Variants in PPP4R3B observed in about 807,000 individuals in gnomAD.
PPP4R3B encodes the protein serine/threonine-protein phosphatase 4 regulatory subunit 3B.
Under a neutral mutation model 95.4 loss-of-function variants are expected in PPP4R3B, and 52 were observed. The ratio of observed to expected loss-of-function variants is 0.54; its 90% CI spans 0.44 to 0.69. The LOEUF (loss-of-function observed/expected upper bound fraction) is 0.69. PPP4R3B is among the 30% of genes least tolerant of loss of function. PPP4R3B has a pLI of 0.00. For missense variants in PPP4R3B, 1,003 were observed against 1,005.9 expected, an observed-to-expected ratio of 1.00 and a Z score of 0.04; for synonymous variants, 407 against 343.9, an observed-to-expected ratio of 1.18 and a Z score of -2.03.
At chr2:55,566,438 G>C (rs1225471470) in intron 13 of PPP4R3B, among the ~76,000 whole-genome samples, 2 of 152,108 alleles carry the variant, frequency 1.3e-5, no homozygotes, top group African/African-American at 2.4e-5. Flanking sequence ...TTTTAAAGGA[G>C]AATAATATAA....
At chr2:55,602,307 T>C (rs1256651365) in intron 3 of PPP4R3B, among the ~76,000 whole-genome samples, 2 of 152,230 alleles carry the variant, frequency 1.3e-5, no homozygotes, top group Non-Finnish European at 2.9e-5. Flanking sequence ...ATGATCATTT[T>C]GGTGTAAGAG....
In PPP4R3B at chr2:55,596,988, C is replaced by G. The variant is rs188942575; in HGVS notation, c.921+1428G>C. Among the ~76,000 whole-genome samples the G allele has an allele frequency of 1.3e-4, 20 of 152,014 alleles. No individual in the cohort carries two copies. In the South Asian group the frequency reaches 3.5e-3, roughly 27 times the overall value. On this transcript the variant is annotated intron_variant, in intron 4 of 16. Coordinates refer to ENST00000616407, the MANE Select transcript of PPP4R3B (RefSeq NM_001122964.3). The stretch of plus-strand genomic sequence containing the variant: ...TCAAAATAATAATAATAAAAAATAG[C>G]TGCATCATCGATATATATAATAGGC...
chr2:55,602,172 A>G (rs1272388078), intron 3 of PPP4R3B, among the ~76,000 whole-genome samples: 3 of 152,212 alleles, frequency 2.0e-5, no homozygotes, highest in Admixed American at 1.3e-4. Context: ...TTATAGGAAA[A>G]GTTAGTTGTT....
At chr2:55,564,561 G>C in intron 14 of PPP4R3B, 64 bp from the exon 15 acceptor site, 1 of 1,373,584 alleles carries the variant, frequency 7.3e-7, no homozygotes, top group Non-Finnish European at 9.8e-7. Flanking sequence ...TTGAACTGAA[G>C]GAAAAATATG....
chr2:55,570,062 C>A (rs1158102272), intron 12 of PPP4R3B, among the ~76,000 whole-genome samples: 1 of 152,008 alleles, frequency 6.6e-6, no homozygotes, highest in Non-Finnish European at 1.5e-5. Context: ...CAAGCCTGGC[C>A]AACATGGTGA....
intron 16 of PPP4R3B, among the ~76,000 whole-genome samples, chr2:55,555,232 A>C (rs1451648362): frequency 1.4e-5 from 2 of 145,980 alleles, no homozygotes. Flanking sequence ...GTGAGCCAAG[A>C]TTGCGCCACC....
intron 4 of PPP4R3B, among the ~76,000 whole-genome samples, chr2:55,592,823 A>G (rs1325668800): frequency 2.0e-5 from 3 of 152,230 alleles, no homozygotes; most frequent in African/African-American, 4.8e-5. Context: ...ATCTTATTCT[A>G]TAACTGTTTG....
chr2:55,595,666 T>C (rs1273790123), intron 4 of PPP4R3B, among the ~76,000 whole-genome samples: 5 of 150,186 alleles, frequency 3.3e-5, no homozygotes, highest in African/African-American at 1.2e-4. Context: ...GCTTAACAAA[T>C]GACAACCAGA....
Position 55,549,671 on chromosome 2 carries a change from G to C in PPP4R3B, c.*240C>G, listed in dbSNP as rs1685031216. 3 of 452,604 alleles carry C rather than the reference G, an allele frequency of 6.6e-6. No individual in the cohort carries two copies. The East Asian group carries it at 1.3e-4, about 19-fold the overall frequency. The allele number at this position is 452,604 out of a possible 1,614,324, so 28.0% of individuals were successfully genotyped here. ...GCTGAGAAGCTGTCTCCCAGGTTCT[G>C]GTTACTAATGTTTGTTTTGACAGCC... On this transcript the variant is annotated 3_prime_UTR_variant, in exon 17 of 17. Transcript: ENST00000616407.
At chr2:55,553,089 T>A (rs7605486) in intron 16 of PPP4R3B, among the ~76,000 whole-genome samples, 3 of 152,174 alleles carry the variant, frequency 2.0e-5, no homozygotes, top group Non-Finnish European at 2.9e-5. Flanking sequence ...GAATTCTACA[T>A]AGAAAATGAC....
rs946666757 is a variant in PPP4R3B at position 55,617,249 on chromosome 2, G to A, written c.37C>T (p.Leu13=). The change falls in exon 1 of 17, where the codon CTG becomes TTG. Residue 13 remains leucine (L), a synonymous_variant. Transcript: ENST00000616407. ...TCGTCCCATTGCCGGTCTTCGTTCA[G>A]GGTATAGACCTTCACTCGCCGCCGC... is the stretch of plus-strand genomic sequence containing the variant. ...DTRRRVKVYT[L]NEDRQWDDRG... 5.6e-6 allele frequency: 9 copies of A among 1,613,742 alleles called. No individual in the cohort carries two copies. The highest frequency in any genetic ancestry group is 3.3e-5 in the Admixed American group (2 of 59,960).
At chr2:55,589,055 G>T (rs1257982126) in intron 4 of PPP4R3B, 99 bp from the exon 5 acceptor site, 2 of 734,944 alleles carry the variant, frequency 2.7e-6, no homozygotes, top group African/African-American at 1.8e-5. Context: ...TTGACAAGTA[G>T]TATTTTCATC....
rs1054622677 is a variant in PPP4R3B, at chr2:55,572,899, T to C, written c.1765+720A>G. On this transcript the variant is annotated intron_variant, in intron 12 of 16. Transcript: ENST00000616407. ...TATCTCCAGGAATAAAATTAGTCTATACAATATTGATTAATCTAGAGTAGT... is the reference window on the plus strand; with the variant it reads ...TATCTCCAGGAATAAAATTAGTCTACACAATATTGATTAATCTAGAGTAGT... 1.6e-3 allele frequency among the ~76,000 whole-genome samples: 238 copies of C among 152,274 alleles called. 4 individuals carry two copies. The highest frequency in any genetic ancestry group is 0.015 in the Admixed American group (234 of 15,294).
At chr2:55,611,258 C>T (rs1369839205) in intron 2 of PPP4R3B, among the ~76,000 whole-genome samples, 1 of 152,170 alleles carries the variant, frequency 6.6e-6, no homozygotes, top group African/African-American at 2.4e-5. Context: ...AACTCCTGGC[C>T]TTAAGTGATC....
chr2:55,592,711 T>C (rs971135193), intron 4 of PPP4R3B, among the ~76,000 whole-genome samples: 39 of 152,144 alleles, frequency 2.6e-4, no homozygotes, highest in Admixed American at 2.4e-3. Context: ...GAAATATGTA[T>C]ATAATATAAT....
At position 55,549,282 on chromosome 2, in the gene PPP4R3B, T is replaced by G. The variant is rs1684991441; in HGVS notation, c.*629A>C. ...TGTCCAGTTTGAATTGAGCTTGTTT[T>G]CATCAATATACATATTGAAAATTCC... On this transcript the variant is annotated 3_prime_UTR_variant, in exon 17 of 17. Coordinates refer to ENST00000616407, the MANE Select transcript of PPP4R3B (RefSeq NM_001122964.3). The G allele has an allele frequency of 6.5e-6, 1 of 152,802 alleles. No individual in the cohort carries two copies. Among genetic ancestry groups the G allele is most frequent in the South Asian group, 2.1e-4 (1 of 4,838 alleles). 9.5% of individuals were successfully genotyped at this position (152,802 alleles called of 1,614,324 possible).
At chr2:55,603,232 C>T (rs1197927725) in intron 3 of PPP4R3B, among the ~76,000 whole-genome samples, 1 of 152,052 alleles carries the variant, frequency 6.6e-6, no homozygotes, top group Non-Finnish European at 1.5e-5. Flanking sequence ...GGATTACAGG[C>T]GTGAGTAACC....
Position 55,558,787 on chromosome 2 carries a change from T to A in PPP4R3B, c.2442A>T (p.Val814=), listed in dbSNP as rs1686187039. The A allele has an allele frequency of 1.9e-6, 3 of 1,608,514 alleles. No individual in the cohort carries two copies. The highest frequency in any genetic ancestry group is 2.2e-5 in the East Asian group (1 of 44,694). The part of the protein sequence containing the change: ...SSKTTNLPTS[V]TATKGSLVGL... Reference sequence around the variant, plus strand: ...CTGTTTCACCTACCTTGGTGGCTGTTACTGACGTAGGCAAGTTTGTGGTTT... The same window carrying A: ...CTGTTTCACCTACCTTGGTGGCTGTAACTGACGTAGGCAAGTTTGTGGTTT... The change falls in exon 16 of 17, where the codon GTA becomes GTT. Residue 814 remains valine, a synonymous_variant. Coordinates refer to ENST00000616407, the MANE Select transcript of PPP4R3B (RefSeq NM_001122964.3).
intron 15 of PPP4R3B, among the ~76,000 whole-genome samples, chr2:55,562,860 T>C (rs919354053): frequency 1.3e-5 from 2 of 152,250 alleles, no homozygotes; most frequent in Non-Finnish European, 2.9e-5. Flanking sequence ...ACTCTACACT[T>C]CTTTACTCAT....
Sources: allele counts gnomAD v4.1 joint callset (sites outside exome capture counted in the v4.1 genomes callset), GRCh38; gene constraint gnomAD v4.1.1; transcripts MANE v1.5; gene names NCBI Gene and HGNC (gene_info 2026-07-23, HGNC 2026-07-21).